The following DENND3 variants were observed in gnomAD, a reference collection of about 807,000 sequenced individuals.
The protein encoded by DENND3 is DENN domain-containing protein 3.
Under a neutral mutation model 135.1 loss-of-function variants are expected in DENND3, and 88 were observed. The observed-to-expected ratio is 0.65, with a 90% confidence interval of 0.55 to 0.78. The LOEUF (loss-of-function observed/expected upper bound fraction) is 0.78. Ranked by LOEUF, DENND3 falls within the 30% of genes least tolerant of loss-of-function variation. The pLI is 0.00. For synonymous variants in DENND3, 693 were observed against 712.3 expected, an observed-to-expected ratio of 0.97 and a Z score of 0.43; for missense variants, 1,392 against 1,688.4, an observed-to-expected ratio of 0.82 and a Z score of 3.08.
intron 9 of DENND3, among the ~76,000 whole-genome samples, chr8:141,161,862 G>A (rs1480617882): frequency 6.9e-6 from 1 of 145,418 alleles, no homozygotes; most frequent in Non-Finnish European, 1.5e-5. Context: ...ATGCAGTGAC[G>A]CCATCTGGGC....
chr8:141,151,284 G>A (rs1818766985), intron 6 of DENND3, among the ~76,000 whole-genome samples: 1 of 152,172 alleles, frequency 6.6e-6, no homozygotes, highest in Admixed American at 6.5e-5. Context: ...ACATGGGCCG[G>A]GTGCGGTGGC....
chr8:141,169,371 GCT>G (rs372589130), intron 13 of DENND3, among the ~76,000 whole-genome samples: 47 of 152,382 alleles, frequency 3.1e-4, no homozygotes, highest in African/African-American at 1.1e-3. Context: ...TCTGAGCTGC[GCT>G]CTGTGTGGGT....
In DENND3 at chr8:141,168,299, G is replaced by C; in HGVS notation, c.2049G>C (p.Met683Ile). The C allele has an allele frequency of 6.2e-7, 1 of 1,614,070 alleles. No individual in the cohort carries two copies. Among genetic ancestry groups the C allele is most frequent in the Non-Finnish European group, 8.5e-7 (1 of 1,180,016 alleles). ...TDLVKRTVES[M>I]SAPEWEGAEQ... ...TGGTGAAGAGGACGGTGGAATCCAT[G>C]TCTGCCCCTGAGTGGGAGGGGGCTG... is the stretch of plus-strand genomic sequence containing the variant. The change falls in exon 13 of 23, where the codon ATG becomes ATC. Residue 683 changes from methionine (M) to isoleucine (I), a missense_variant. Met to Ile is a conservative substitution (Grantham distance 10, BLOSUM62 1). Coordinates refer to ENST00000519811, the MANE Select transcript of DENND3 (RefSeq NM_001352890.3). The surrounding 1 kb of genome is among the most constrained non-coding windows in gnomAD (Gnocchi z 6.2).
rs1394861799 is a variant in DENND3, at chr8:141,144,345, T to A, written c.735+86T>A. The A allele has an allele frequency of 2.7e-5, 33 of 1,236,416 alleles. No homozygotes were observed. The Middle Eastern group carries it at 6.0e-4, about 22-fold the overall frequency. 76.6% of individuals were successfully genotyped at this position (1,236,416 alleles called of 1,614,324 possible). A position where few individuals can be genotyped will look rare whatever the true frequency, so the allele number is the denominator to read the frequency against. On this transcript the variant is annotated intron_variant, in intron 5 of 22. Coordinates refer to ENST00000519811, the MANE Select transcript of DENND3 (RefSeq NM_001352890.3). The surrounding 1 kb of genome is among the most constrained non-coding windows in gnomAD (Gnocchi z 4.4). ...AGATAATGTAAATGCTCACAACTAT[T>A]TCTGAAGTTCTAGCTGTTGTAAACC... is the stretch of plus-strand genomic sequence containing the variant.
rs1244940251 is a variant in DENND3, at chr8:141,154,722, C to T, written c.1075-1127C>T. Among the ~76,000 whole-genome samples, 1 of 152,050 alleles carries T rather than the reference C, an allele frequency of 6.6e-6. No homozygotes were observed. Among genetic ancestry groups the T allele is most frequent in the Non-Finnish European group, 1.5e-5 (1 of 68,012 alleles). On this transcript the variant is annotated intron_variant, in intron 7 of 22. Transcript: ENST00000519811. This position sits in a 1 kb window ranked among gnomAD's most constrained non-coding sequence, Gnocchi z 4.4. ...GGATTGCAGGCACACGCCACCATGC[C>T]TGGGTAATTTTTGTATTTTTAGTAG...
At chr8:141,155,453 C>T (rs775781071) in intron 7 of DENND3, among the ~76,000 whole-genome samples, 16 of 151,972 alleles carry the variant, frequency 1.1e-4, no homozygotes, top group Non-Finnish European at 1.8e-4. Context: ...GCCCAGGCTT[C>T]CGTGCAGTGG....
intron 3 of DENND3, among the ~76,000 whole-genome samples, chr8:141,140,952 C>T (rs903786096): frequency 6.6e-6 from 1 of 152,218 alleles, no homozygotes; most frequent in African/African-American, 2.4e-5. Flanking sequence ...CTTTTTATCT[C>T]AAGGCTGTCA....
intron 5 of DENND3, among the ~76,000 whole-genome samples, chr8:141,147,624 C>T (rs1485474858): frequency 6.6e-6 from 1 of 152,238 alleles, no homozygotes; most frequent in Non-Finnish European, 1.5e-5. Context: ...ACCCCCACTC[C>T]CCGTCTCTCC....
intron 8 of DENND3, among the ~76,000 whole-genome samples, chr8:141,158,734 C>T (rs1320003400): frequency 6.6e-6 from 1 of 152,200 alleles, no homozygotes; most frequent in Non-Finnish European, 1.5e-5. Context: ...TCCCCAGCAC[C>T]CTTGGCTCTT....
At chr8:141,134,871 C>T (rs989289528) in intron 1 of DENND3, among the ~76,000 whole-genome samples, 11 of 152,164 alleles carry the variant, frequency 7.2e-5, no homozygotes, top group African/African-American at 2.2e-4. Context: ...TGCTCTGTCG[C>T]GCAGGCTGGA....
rs943919100 is a variant in DENND3, at chr8:141,154,264, G to A, written c.1075-1585G>A. Among the ~76,000 whole-genome samples the A allele has an allele frequency of 2.0e-5, 3 of 152,216 alleles. No individual in the cohort carries two copies. Among genetic ancestry groups the A allele is most frequent in the African/African-American group, 7.2e-5 (3 of 41,460 alleles). ...CCGGGGCTGTTGAAGTGCAGGGCTC[G>A]GGTGCGTGACTCAGTATTTGTGTAC... On this transcript the variant is annotated intron_variant, in intron 7 of 22. Coordinates refer to ENST00000519811, the MANE Select transcript of DENND3 (RefSeq NM_001352890.3). The surrounding 1 kb of genome is among the most constrained non-coding windows in gnomAD (Gnocchi z 4.4).
chr8:141,165,316 G>A (rs374630595), intron 11 of DENND3, 27 bp downstream of exon 11: 32 of 1,578,948 alleles, frequency 2.0e-5, no homozygotes, highest in Non-Finnish European at 2.7e-5. Context: ...TTTTGGATCT[G>A]CAGCTCTTTA....
At chr8:141,134,995 A>G (rs1026582092) in intron 1 of DENND3, among the ~76,000 whole-genome samples, 1 of 151,682 alleles carries the variant, frequency 6.6e-6, no homozygotes, top group African/African-American at 2.4e-5. Context: ...TGCGCCACCA[A>G]GCCCGGCTAA....
chr8:141,175,332 G>T lies in DENND3; in HGVS notation c.2408G>T (p.Cys803Phe), dbSNP rs747960910. ...MEHLDKNECV[C>F]KLSSSVKTNL... ...CACCTGGATAAAAACGAGTGTGTGTGTAAGTTGTCCAGCTCCGTCAAGACA... is the reference window on the plus strand; with the variant it reads ...CACCTGGATAAAAACGAGTGTGTGTTTAAGTTGTCCAGCTCCGTCAAGACA... Residue 803 changes from cysteine (C) to phenylalanine (F), a missense_variant, in exon 14 of 23, where the codon TGT (cysteine) becomes TTT (phenylalanine). Physicochemically the swap from Cys to Phe is radical, Grantham distance 205. Coordinates refer to ENST00000519811, the MANE Select transcript of DENND3 (RefSeq NM_001352890.3). This position sits in a 1 kb window ranked among gnomAD's most constrained non-coding sequence, Gnocchi z 5.4. 1.2e-6 allele frequency: 2 copies of T among 1,614,248 alleles called. No homozygotes were observed. The highest frequency in any genetic ancestry group is 1.7e-6 in the Non-Finnish European group (2 of 1,180,048).
In DENND3 at chr8:141,137,888, C is replaced by A; in HGVS notation, c.386-134C>A. On this transcript the variant is annotated intron_variant, in intron 2 of 22. Transcript: ENST00000519811. This position sits in a 1 kb window ranked among gnomAD's most constrained non-coding sequence, Gnocchi z 4.1. The stretch of plus-strand genomic sequence containing the variant: ...CCGGAGGCGTGATCGGAAGAATGAA[C>A]CCGCCTTGGACATGAAGGCACCACC... The A allele has an allele frequency of 1.2e-6, 1 of 807,796 alleles. No homozygotes were observed. The highest frequency in any genetic ancestry group is 1.9e-6 in the Non-Finnish European group (1 of 521,370). 50.0% of individuals were successfully genotyped at this position (807,796 alleles called of 1,614,324 possible).
chr8:141,153,527 A>G (rs1659523746), intron 7 of DENND3, among the ~76,000 whole-genome samples: 1 of 152,216 alleles, frequency 6.6e-6, no homozygotes, highest in African/African-American at 2.4e-5. Context: ...TTTTAAAGCA[A>G]ATCCCAGGGT....
intron 8 of DENND3, chr8:141,157,976 T>C: frequency 9.4e-7 from 1 of 1,061,598 alleles, no homozygotes. Context: ...GCCAGGCTGG[T>C]CTCGAACTCC....
At chr8:141,170,879 C>T (rs1036592390) in intron 13 of DENND3, among the ~76,000 whole-genome samples, 2 of 152,238 alleles carry the variant, frequency 1.3e-5, no homozygotes, top group Admixed American at 1.3e-4. Context: ...CGAGCCAGCC[C>T]GTGGGCATCA....
In DENND3 at chr8:141,139,840, C is replaced by A. The variant is rs1470663821; in HGVS notation, c.502-1363C>A. The stretch of plus-strand genomic sequence containing the variant: ...AGCAGCTGTGTAGTTTCGGGGTATC[C>A]CCAGGTCCCACAGCACTCATCTCTC... On this transcript the variant is annotated intron_variant, in intron 3 of 22. Transcript: ENST00000519811. This position sits in a 1 kb window ranked among gnomAD's most constrained non-coding sequence, Gnocchi z 4.2. 6.6e-6 allele frequency among the ~76,000 whole-genome samples: 1 copy of A among 152,134 alleles called. No individual in the cohort carries two copies. Among genetic ancestry groups the A allele is most frequent in the Non-Finnish European group, 1.5e-5 (1 of 68,028 alleles).
Sources: allele counts gnomAD v4.1 joint callset (sites outside exome capture counted in the v4.1 genomes callset), GRCh38; gene constraint gnomAD v4.1.1; non-coding constraint Gnocchi (gnomAD v3.1); transcripts MANE v1.5; gene names NCBI Gene and HGNC (gene_info 2026-07-23, HGNC 2026-07-21).